The following GLRA1 variants were observed in gnomAD, a reference collection of about 807,000 sequenced individuals.
GLRA1 encodes glycine receptor alpha 1, also known as glycine receptor subunit alpha-1.
GLRA1 carries 37 observed loss-of-function variants against 48.3 expected under a neutral mutation model. The ratio of observed to expected loss-of-function variants is 0.77; its 90% CI spans 0.59 to 1.01. GLRA1 has a LOEUF of 1.01. GLRA1 is among the 50% of genes least tolerant of loss of function. GLRA1 has a pLI of 0.00. For missense variants in GLRA1, 427 were observed against 571.0 expected, an observed-to-expected ratio of 0.75 and a Z score of 2.57; for synonymous variants, 196 against 210.7, an observed-to-expected ratio of 0.93 and a Z score of 0.60.
In GLRA1 at chr5:151,822,713, A is replaced by G; in HGVS notation, c.1310T>C (p.Ile437Thr). 1 of 1,613,886 alleles carries G rather than the reference A, an allele frequency of 6.2e-7. No homozygotes were observed. ...GTCCTCTCTACGGACAATCTTGTAG[A>G]TGATCCAGTAGAACATGTTGAAAAT... ...FLIFNMFYWI[I>T]YKIVRREDVH... The change falls in exon 9 of 9, where the codon ATC becomes ACC. Residue 437 changes from isoleucine (I) to threonine (T), a missense_variant. By Grantham distance (89) the Ile-to-Thr change is moderately conservative (BLOSUM62 -1). Coordinates refer to ENST00000274576, the MANE Select transcript of GLRA1 (RefSeq NM_000171.4).
intron 8 of GLRA1, among the ~76,000 whole-genome samples, chr5:151,823,281 G>A (rs1015117099): frequency 2.0e-5 from 3 of 152,110 alleles, no homozygotes; most frequent in African/African-American, 7.2e-5. Context: ...TGTGAGTCTC[G>A]GGGATTTTTA....
chr5:151,861,220 A>G (rs1318027626), intron 3 of GLRA1, among the ~76,000 whole-genome samples: 3 of 152,216 alleles, frequency 2.0e-5, no homozygotes, highest in Non-Finnish European at 4.4e-5. Context: ...AGCATGATTT[A>G]TAATCCTTTG....
At chr5:151,834,765 T>A (rs1162156693) in intron 7 of GLRA1, among the ~76,000 whole-genome samples, 2 of 151,736 alleles carry the variant, frequency 1.3e-5, no homozygotes, top group Non-Finnish European at 2.9e-5. Context: ...TGGTGGCTCA[T>A]GCCTGTAATC....
chr5:151,839,511 T>C lies in GLRA1; in HGVS notation c.913-10444A>G, dbSNP rs141023761. On this transcript the variant is annotated intron_variant, in intron 7 of 8. Transcript: ENST00000274576. ...AAGGGGGAGGTAATTGAGATATATA[T>C]AGGAGCAAAGTTTTTTGCGTACTGT... Among the ~76,000 whole-genome samples, 648 of 152,292 alleles carry C rather than the reference T, an allele frequency of 4.3e-3. 6 individuals carry two copies. The highest frequency in any genetic ancestry group is 0.015 in the African/African-American group (619 of 41,544).
chr5:151,863,098 A>G (rs1446234992), intron 3 of GLRA1, among the ~76,000 whole-genome samples: 2 of 152,198 alleles, frequency 1.3e-5, no homozygotes, highest in African/African-American at 4.8e-5. Context: ...CAGTTAAGAA[A>G]TATTTCCATT....
At chr5:151,922,816 AGT>A (rs1754912815) in intron 1 of GLRA1, among the ~76,000 whole-genome samples, 1 of 152,160 alleles carries the variant, frequency 6.6e-6, no homozygotes, top group African/African-American at 2.4e-5. Flanking sequence ...AAAAAGAGAG[AGT>A]GTGTGTGGGG....
chr5:151,887,693 T>C (rs1348440934), intron 2 of GLRA1, among the ~76,000 whole-genome samples: 1 of 152,014 alleles, frequency 6.6e-6, no homozygotes. Context: ...AGGAAACAGG[T>C]TTAGAGGAAG....
chr5:151,899,297 C>T (rs112663568), intron 1 of GLRA1, among the ~76,000 whole-genome samples: 22 of 152,070 alleles, frequency 1.4e-4, no homozygotes, highest in African/African-American at 3.1e-4. Flanking sequence ...GAGGGGAAGG[C>T]GGGGATTAAT....
intron 3 of GLRA1, among the ~76,000 whole-genome samples, chr5:151,885,849 T>A (rs1451195067): frequency 6.6e-6 from 1 of 152,138 alleles, no homozygotes; most frequent in Non-Finnish European, 1.5e-5. Context: ...TTGGAAAGGC[T>A]AGTGTGGGAT....
intron 1 of GLRA1, among the ~76,000 whole-genome samples, chr5:151,904,011 T>C (rs1754420736): frequency 6.6e-6 from 1 of 152,230 alleles, no homozygotes; most frequent in East Asian, 1.9e-4. Context: ...TGCATGGTTT[T>C]AAGTTTCTAC....
intron 4 of GLRA1, among the ~76,000 whole-genome samples, chr5:151,858,887 T>G (rs1208196889): frequency 1.3e-5 from 2 of 152,194 alleles, no homozygotes; most frequent in Non-Finnish European, 2.9e-5. Context: ...GATCAAATAT[T>G]TGAGTGCCTA....
chr5:151,917,886 C>T (rs1754777390), intron 1 of GLRA1, among the ~76,000 whole-genome samples: 1 of 152,140 alleles, frequency 6.6e-6, no homozygotes, highest in African/African-American at 2.4e-5. Flanking sequence ...CTGTGGGTTG[C>T]CCAGAATATG....
At chr5:151,875,176 G>T (rs1415259618) in intron 3 of GLRA1, among the ~76,000 whole-genome samples, 1 of 150,478 alleles carries the variant, frequency 6.6e-6, no homozygotes, top group African/African-American at 2.5e-5. Flanking sequence ...GGTATAAAGG[G>T]CTTAAAAAAA....
At chr5:151,868,771 C>G (rs1454654252) in intron 3 of GLRA1, among the ~76,000 whole-genome samples, 2 of 152,212 alleles carry the variant, frequency 1.3e-5, no homozygotes. Context: ...TTTATTTCTG[C>G]CTCGAGCCAT....
At chr5:151,899,867 A>G (rs1754321624) in intron 1 of GLRA1, among the ~76,000 whole-genome samples, 1 of 151,842 alleles carries the variant, frequency 6.6e-6, no homozygotes, top group Non-Finnish European at 1.5e-5. Context: ...TTCCTGTCCT[A>G]CCTCCCACAG....
intron 7 of GLRA1, among the ~76,000 whole-genome samples, chr5:151,843,354 G>A (rs1222675378): frequency 4.8e-5 from 7 of 147,150 alleles, no homozygotes; most frequent in South Asian, 2.2e-4. Context: ...TCTGCCTCCC[G>A]GGTTCACGCC....
chr5:151,876,434 T>A (rs1467261171), intron 3 of GLRA1, among the ~76,000 whole-genome samples: 2 of 152,092 alleles, frequency 1.3e-5, no homozygotes, highest in East Asian at 3.9e-4. Flanking sequence ...GAAAAATAAC[T>A]CGAAAGCACA....
At chr5:151,826,544 G>A (rs576063177) in intron 8 of GLRA1, among the ~76,000 whole-genome samples, 1 of 152,228 alleles carries the variant, frequency 6.6e-6, no homozygotes, top group African/African-American at 2.4e-5. Context: ...TCATGATACC[G>A]GTGACTTGGC....
intron 1 of GLRA1, among the ~76,000 whole-genome samples, chr5:151,917,484 C>T (rs992961860): frequency 6.6e-6 from 1 of 152,132 alleles, no homozygotes; most frequent in African/African-American, 2.4e-5. Flanking sequence ...AAAAGCTGTA[C>T]ATATTTAGGA....
Sources: allele counts gnomAD v4.1 joint callset (sites outside exome capture counted in the v4.1 genomes callset), GRCh38; gene constraint gnomAD v4.1.1; transcripts MANE v1.5; gene names NCBI Gene and HGNC (gene_info 2026-07-23, HGNC 2026-07-21).